TYK2: variants seen among roughly 807,000 people sequenced by gnomAD.
TYK2 encodes tyrosine kinase 2.
TYK2 carries 65 observed loss-of-function variants against 130.9 expected under a neutral mutation model. The ratio of observed to expected loss-of-function variants is 0.50; its 90% CI spans 0.41 to 0.61. The LOEUF is 0.61. TYK2 is among the 20% of genes least tolerant of loss of function. The probability of loss-of-function intolerance (pLI) is 0.00; values close to 1 mark genes in which losing one functional copy is unlikely to be tolerated. For missense variants in TYK2, 1,378 were observed against 1,610.7 expected (o/e 0.86, Z 2.47); for synonymous variants, 647 against 658.9 (o/e 0.98, Z 0.28).
chr19:10,353,486 A>G lies in TYK2; in HGVS notation c.3027+42T>C. The G allele has an allele frequency of 7.2e-7, 1 of 1,391,220 alleles. No individual in the cohort carries two copies. Among genetic ancestry groups the G allele is most frequent in the Non-Finnish European group, 9.6e-7 (1 of 1,039,582 alleles). The allele number at this position is 1,391,220 out of a possible 1,614,324, so 86.2% of individuals were successfully genotyped here. On this transcript the variant is annotated intron_variant, in intron 21 of 24. Coordinates refer to ENST00000525621, the MANE Select transcript of TYK2 (RefSeq NM_003331.5). The surrounding 1 kb of genome is among the most constrained non-coding windows in gnomAD (Gnocchi z 6.9). ...TCGCTCAGGCCAGCCCAAGCTGAAGAGGAAGGGGCAAGCTCCAGAAGCAGG... is the reference window on the plus strand; with the variant it reads ...TCGCTCAGGCCAGCCCAAGCTGAAGGGGAAGGGGCAAGCTCCAGAAGCAGG...
At position 10,365,739 on chromosome 19, in the gene TYK2, G is replaced by T. The variant is rs761512367; in HGVS notation, c.789C>A (p.Leu263=). The part of the protein sequence containing the change: ...QMVMVKYLAT[L]ERLAPRFGTE... The stretch of plus-strand genomic sequence containing the variant: ...TGCCGAAGCGGGGTGCCAGCCGCTC[G>T]AGTGTGGCTAGGTATTTGACCATGA... Residue 263 remains leucine (L), a synonymous_variant, in exon 7 of 25, where the codon CTC becomes CTA. Transcript: ENST00000525621. 41 of 1,612,888 alleles carry T rather than the reference G, an allele frequency of 2.5e-5. No homozygotes were observed. Among genetic ancestry groups the T allele is most frequent in the Non-Finnish European group, 3.4e-5 (40 of 1,179,864 alleles).
chr19:10,376,138 G>C (rs1012495374), intron 3 of TYK2, among the ~76,000 whole-genome samples: 1 of 151,354 alleles, frequency 6.6e-6, no homozygotes, highest in Non-Finnish European at 1.5e-5. Flanking sequence ...TCAGCCTCCT[G>C]AGTAGCTAGG....
intron 4 of TYK2, 29 bp downstream of exon 4, chr19:10,368,266 G>A (rs758948874): frequency 5.6e-6 from 9 of 1,614,028 alleles, no homozygotes; most frequent in African/African-American, 1.3e-5. Flanking sequence ...GCACAGGAGG[G>A]GACGAGCTTT....
At chr19:10,371,763 A>C (rs1387223932) in intron 3 of TYK2, among the ~76,000 whole-genome samples, 1 of 152,160 alleles carries the variant, frequency 6.6e-6, no homozygotes, top group African/African-American at 2.4e-5. Flanking sequence ...ATTCTGGTTA[A>C]ATTCCTTCTC....
chr19:10,373,749 C>T (rs949251259), intron 3 of TYK2, among the ~76,000 whole-genome samples: 9 of 152,112 alleles, frequency 5.9e-5, no homozygotes, highest in Admixed American at 5.9e-4. Context: ...GGAGAATGCC[C>T]AACCCCTTGA....
chr19:10,365,530 ACCT>A lies in TYK2; in HGVS notation c.995_997del (p.Glu332del). On this transcript the variant is annotated inframe_deletion, in exon 7 of 25. Transcript: ENST00000525621. Reference sequence around the variant, plus strand: ...CGCCTTGCTCACCTCCTCCTTGTTCACCTCCTCCTCTACTGGCCACCACTGGAT... The same window carrying A: ...CGCCTTGCTCACCTCCTCCTTGTTCACCTCCTCTACTGGCCACCACTGGAT... 9 of 1,613,494 alleles carry A rather than the reference ACCT, an allele frequency of 5.6e-6. No individual in the cohort carries two copies. The highest frequency in any genetic ancestry group is 6.8e-6 in the Non-Finnish European group (8 of 1,179,872).
At chr19:10,377,029 G>A (rs1246766185) in intron 3 of TYK2, among the ~76,000 whole-genome samples, 4 of 151,994 alleles carry the variant, frequency 2.6e-5, no homozygotes, top group African/African-American at 7.2e-5. Flanking sequence ...AGGCTCTCAA[G>A]TTGCTGGGAC....
chr19:10,362,263 C>A lies in TYK2; in HGVS notation c.1669+1G>T. ...ACCCAGAGGTCCCCCTATCATCGTA[C>A]CTCCTGGTTGGGGCAGGCAACAGCG... On this transcript the variant is annotated splice_donor_variant, in intron 11 of 24. Coordinates refer to ENST00000525621, the MANE Select transcript of TYK2 (RefSeq NM_003331.5). LOFTEE classifies it high-confidence loss of function. 1 of 1,613,678 alleles carries A rather than the reference C, an allele frequency of 6.2e-7. No individual in the cohort carries two copies. The highest frequency in any genetic ancestry group is 8.5e-7 in the Non-Finnish European group (1 of 1,179,614).
In TYK2 at chr19:10,359,292, C is replaced by T; in HGVS notation, c.2058G>A (p.Val686=). The change falls in exon 15 of 25, where the codon GTG becomes GTA. Residue 686 remains valine, a synonymous_variant. Transcript: ENST00000525621. ...VCVRGPENIM[V]TEYVEHGPLD... ...GGGGTCCGTGCTCCACGTACTCTGT[C>T]ACCATGATATCTGTAAAGACACAGC... 6.2e-7 allele frequency: 1 copy of T among 1,611,492 alleles called. No homozygotes were observed.
intron 3 of TYK2, among the ~76,000 whole-genome samples, chr19:10,376,192 T>C (rs2042116148): frequency 6.9e-6 from 1 of 144,574 alleles, no homozygotes; most frequent in African/African-American, 2.6e-5. Flanking sequence ...TTTGTATTTT[T>C]AGTAGAGATG....
At chr19:10,367,044 CAAA>C (rs780433495) in intron 5 of TYK2, among the ~76,000 whole-genome samples, 1 of 123,124 alleles carries the variant, frequency 8.1e-6, no homozygotes, top group Non-Finnish European at 1.8e-5. Flanking sequence ...AACTCTGTCT[CAAA>C]AAAAAAAAAA....
Position 10,359,226 on chromosome 19 carries a change from C to T in TYK2, c.2124G>A (p.Met708Ile), listed in dbSNP as rs201502911. 9.9e-6 allele frequency: 16 copies of T among 1,609,966 alleles called. No individual in the cohort carries two copies. Among genetic ancestry groups the T allele is most frequent in the Non-Finnish European group, 1.4e-5 (16 of 1,179,940 alleles). The change falls in exon 15 of 25, where the codon ATG becomes ATA. Residue 708 changes from methionine to isoleucine, a missense_variant. Transcript: ENST00000525621. ...WLRRERGHVP[M>I]AWKMVVAQQL... ...GCTGGGCCACCACCATCTTCCAAGC[C>T]ATGGGCACATGGCCCCGCTCCCTCC... is the stretch of plus-strand genomic sequence containing the variant.
intron 9 of TYK2, among the ~76,000 whole-genome samples, chr19:10,363,448 G>A (rs1344414075): frequency 6.6e-6 from 1 of 152,068 alleles, no homozygotes; most frequent in Non-Finnish European, 1.5e-5. Flanking sequence ...CTAAAGCGCT[G>A]GGATTACAGG....
At chr19:10,366,326 G>C in intron 6 of TYK2, 91 bp downstream of exon 6, 3 of 1,370,250 alleles carry the variant, frequency 2.2e-6, no homozygotes, top group Non-Finnish European at 3.0e-6. Flanking sequence ...AAAAAGTAGA[G>C]GCACGGCAAT....
Position 10,378,833 on chromosome 19 carries a change from A to ATATCTTATCTTATCT in TYK2, c.-20-422_-20-408dup, listed in dbSNP as rs58371844. ...CTGTTTCTACAAGACGTTTTATTTT[A>ATATCTTATCTTATCT]TATCTTATCTTATCTTATCTTATCT... On this transcript the variant is annotated intron_variant, in intron 2 of 24. Coordinates refer to ENST00000525621, the MANE Select transcript of TYK2 (RefSeq NM_003331.5). Among the ~76,000 whole-genome samples, 447 of 148,914 alleles carry ATATCTTATCTTATCT rather than the reference A, an allele frequency of 3.0e-3. 5 individuals are homozygous for ATATCTTATCTTATCT. Among genetic ancestry groups the ATATCTTATCTTATCT allele is most frequent in the Admixed American group, 8.1e-3 (119 of 14,732 alleles).
chr19:10,362,531 C>A lies in TYK2; in HGVS notation c.1476+18G>T. The A allele has an allele frequency of 6.4e-7, 1 of 1,555,894 alleles. No homozygotes were observed. On this transcript the variant is annotated intron_variant, in intron 10 of 24. Transcript: ENST00000525621. The stretch of plus-strand genomic sequence containing the variant: ...GAACGTGTCCAGCCCCAGCCCCAGC[C>A]CCCAGCCCTGGGCTCACCTGGCTAC...
intron 2 of TYK2, among the ~76,000 whole-genome samples, chr19:10,378,882 T>TTATC (rs1555723142): frequency 5.8e-5 from 8 of 137,228 alleles, no homozygotes; most frequent in Non-Finnish European, 8.0e-5. Flanking sequence ...CTTATCTTAT[T>TTATC]TTTGAGACAG....
intron 18 of TYK2, among the ~76,000 whole-genome samples, chr19:10,356,076 C>G (rs2041085475): frequency 6.6e-6 from 1 of 150,612 alleles, no homozygotes; most frequent in Non-Finnish European, 1.5e-5. Context: ...TTGTGTCTCT[C>G]CCCAGACAAA....
intron 3 of TYK2, chr19:10,369,698 T>C (rs2041828590): frequency 2.2e-6 from 1 of 453,238 alleles, no homozygotes; most frequent in African/African-American, 2.0e-5. Context: ...CTTGCTGTAA[T>C]TTCCCACACC....
Sources: gnomAD v4.1 joint callset for allele counts (sites outside exome capture counted in the v4.1 genomes callset) on GRCh38, gnomAD v4.1.1 for gene constraint, Gnocchi (gnomAD v3.1) non-coding constraint, MANE v1.5 for transcripts, NCBI Gene and HGNC (gene_info 2026-07-23, HGNC 2026-07-21) for gene names.